The following GCFC2 variants were observed in gnomAD, a reference collection of about 807,000 sequenced individuals.
GCFC2 encodes GC-rich sequence DNA-binding factor 2.
A neutral mutation model predicts 99.4 loss-of-function variants in GCFC2; 102 were observed. That is an observed-to-expected ratio of 1.03 (90% CI 0.87 to 1.21). The LOEUF (loss-of-function observed/expected upper bound fraction) is 1.21. Ranked by LOEUF, GCFC2 falls within the 50% of genes most tolerant of loss-of-function variation. The pLI, the probability that GCFC2 is intolerant of heterozygous loss-of-function variation, is 0.00. For missense variants in GCFC2, 973 were observed against 920.9 expected, an observed-to-expected ratio of 1.06 and a Z score of -0.73; for synonymous variants, 338 against 316.8, an observed-to-expected ratio of 1.07 and a Z score of -0.71.
chr2:75,700,884 G>A (rs1161373082), intron 4 of GCFC2, among the ~76,000 whole-genome samples: 1 of 152,142 alleles, frequency 6.6e-6, no homozygotes, highest in Non-Finnish European at 1.5e-5. Context: ...GTATCCTTAC[G>A]AGAAAAACAC....
chr2:75,680,178 T>G lies in GCFC2; in HGVS notation c.1812+15A>C. The G allele has an allele frequency of 6.3e-7, 1 of 1,586,534 alleles. No individual in the cohort carries two copies. The highest frequency in any genetic ancestry group is 8.6e-7 in the Non-Finnish European group (1 of 1,156,504). ...AGAGATAGATCATGGAGTTCGCAACTCTAGAAATTATTACCTGTCTGCTTT... is the reference window on the plus strand; with the variant it reads ...AGAGATAGATCATGGAGTTCGCAACGCTAGAAATTATTACCTGTCTGCTTT... On this transcript the variant is annotated intron_variant, in intron 12 of 16. Coordinates refer to ENST00000321027, the MANE Select transcript of GCFC2 (RefSeq NM_003203.5).
At chr2:75,683,204 G>C (rs954144579) in intron 11 of GCFC2, among the ~76,000 whole-genome samples, 1 of 151,818 alleles carries the variant, frequency 6.6e-6, no homozygotes, top group African/African-American at 2.4e-5. Flanking sequence ...GAAAGGTTGG[G>C]TTACCCACAA....
In GCFC2 at chr2:75,710,800, C is replaced by A; in HGVS notation, c.56G>T (p.Ser19Ile). ...AGCAGGCGACTCCTCGGCGCCATCG[C>A]TGTCGCTGGAATCAGCCGCGCGCTG... is the stretch of plus-strand genomic sequence containing the variant. ...FRQRAADSSD[S>I]DGAEESPAEP... is the part of the protein sequence containing the mutation. Residue 19 changes from serine (S) to isoleucine (I), a missense_variant, in exon 1 of 17, where the codon AGC becomes ATC. Physicochemically the swap from Ser to Ile is moderately radical, Grantham distance 142 (BLOSUM62 -2). Coordinates refer to ENST00000321027, the MANE Select transcript of GCFC2 (RefSeq NM_003203.5). The A allele has an allele frequency of 6.3e-7, 1 of 1,579,074 alleles. No individual in the cohort carries two copies.
chr2:75,670,389 T>C (rs1679044124), intron 14 of GCFC2, 105 bp from the exon 15 acceptor site: 2 of 716,172 alleles, frequency 2.8e-6, no homozygotes, highest in Admixed American at 4.4e-5. Flanking sequence ...TCACTACAAT[T>C]AGCCCTGTTG....
chr2:75,685,146 G>A (rs1461931338), intron 11 of GCFC2, among the ~76,000 whole-genome samples: 2 of 152,134 alleles, frequency 1.3e-5, no homozygotes, highest in Non-Finnish European at 1.5e-5. Flanking sequence ...ACTATGGCAC[G>A]TGTACACCTA....
Position 75,694,386 on chromosome 2 carries a change from T to A in GCFC2, c.875A>T (p.Glu292Val). The A allele has an allele frequency of 1.3e-6, 2 of 1,527,750 alleles. No individual in the cohort carries two copies. Among genetic ancestry groups the A allele is most frequent in the African/African-American group, 1.4e-5 (1 of 72,860 alleles). 94.6% of individuals were successfully genotyped at this position (1,527,750 alleles called of 1,614,324 possible). A position where few individuals can be genotyped will look rare whatever the true frequency, so the allele number is the denominator to read the frequency against. The part of the protein sequence containing the change: ...LQETHRSHLR[E>V]YEKYVQDVKS... ...GACATCTTGTACGTATTTTTCATAC[T>A]CCCTCAGGTGTGAGCGGTGAGTTTC... is the stretch of plus-strand genomic sequence containing the variant. The change falls in exon 6 of 17, where the codon GAG becomes GTG. Residue 292 changes from glutamate (E) to valine (V), a missense_variant. By Grantham distance (121) the Glu-to-Val change is moderately radical. Coordinates refer to ENST00000321027, the MANE Select transcript of GCFC2 (RefSeq NM_003203.5).
intron 10 of GCFC2, among the ~76,000 whole-genome samples, chr2:75,688,543 C>G (rs142933298): frequency 7.2e-4 from 110 of 152,118 alleles, no homozygotes; most frequent in African/African-American, 2.5e-3. Flanking sequence ...TGTGCAATTT[C>G]TAGCTCCTGA....
At position 75,689,239 on chromosome 2, in the gene GCFC2, A is replaced by G. The variant is rs1202231743; in HGVS notation, c.1340-14T>C. 1.4e-6 allele frequency: 2 copies of G among 1,434,754 alleles called. No homozygotes were observed. The highest frequency in any genetic ancestry group is 1.8e-5 in the Admixed American group (1 of 57,104). 88.9% of individuals were successfully genotyped at this position (1,434,754 alleles called of 1,614,324 possible). On this transcript the variant is annotated splice_polypyrimidine_tract_variant and intron_variant, in intron 9 of 16. Coordinates refer to ENST00000321027, the MANE Select transcript of GCFC2 (RefSeq NM_003203.5). ...GTAAAATGTCACCTGTAAACAAAATAAGTCTCTTTATGCATTTTAAGTTGT... is the reference window on the plus strand; with the variant it reads ...GTAAAATGTCACCTGTAAACAAAATGAGTCTCTTTATGCATTTTAAGTTGT...
Position 75,665,861 on chromosome 2 carries a change from A to T in GCFC2, c.2228+68T>A, listed in dbSNP as rs1678815722. 8 of 985,864 alleles carry T rather than the reference A, an allele frequency of 8.1e-6. No individual in the cohort carries two copies. In the South Asian group the frequency reaches 1.3e-4, roughly 16 times the overall value. 61.1% of individuals were successfully genotyped at this position (985,864 alleles called of 1,614,324 possible). On this transcript the variant is annotated intron_variant, in intron 16 of 16. Transcript: ENST00000321027. ...GTACAGTAAAAATACAAATCTTTCT[A>T]AAAGTTGTTGAGAGCATACAGAATC...
chr2:75,710,752 A>G lies in GCFC2; in HGVS notation c.104T>C (p.Leu35Pro), dbSNP rs756730282. ...TTCCTCCGCAGAACCCGGGACCGGA[A>G]GTTCCCTCGGCGCCCCAGGCTCAGC... ...SPAEPGAPRELPVPGSAEEEP... is the reference protein window; with the variant it reads ...SPAEPGAPREPPVPGSAEEEP... The change falls in exon 1 of 17, where the codon CTT (leucine) becomes CCT (proline). Residue 35 changes from leucine (L) to proline (P), a missense_variant. Coordinates refer to ENST00000321027, the MANE Select transcript of GCFC2 (RefSeq NM_003203.5). The G allele has an allele frequency of 6.4e-7, 1 of 1,566,540 alleles. No individual in the cohort carries two copies. Among genetic ancestry groups the G allele is most frequent in the East Asian group, 2.4e-5 (1 of 41,560 alleles).
At chr2:75,677,484 G>A (rs11884647) in intron 12 of GCFC2, among the ~76,000 whole-genome samples, 31,721 of 152,146 alleles carry the variant, frequency 0.21, 4,917 homozygotes, top group African/African-American at 0.45. Flanking sequence ...TGTGAAGACC[G>A]GGGAGTGCTA....
chr2:75,687,033 TAAGC>T (rs2104320946), intron 11 of GCFC2, among the ~76,000 whole-genome samples: 1 of 152,182 alleles, frequency 6.6e-6, no homozygotes, highest in Non-Finnish European at 1.5e-5. Flanking sequence ...CTCCCAGGTT[TAAGC>T]AATTCTCCTG....
intron 4 of GCFC2, among the ~76,000 whole-genome samples, chr2:75,699,133 A>G (rs959485656): frequency 6.6e-6 from 1 of 152,120 alleles, no homozygotes; most frequent in Non-Finnish European, 1.5e-5. Flanking sequence ...TGGAAATGAG[A>G]GTGACAGTGT....
In GCFC2 at chr2:75,704,840, TAA is replaced by T. The variant is rs1205927706; in HGVS notation, c.394+1681_394+1682del. On this transcript the variant is annotated intron_variant, in intron 2 of 16. Transcript: ENST00000321027. The stretch of plus-strand genomic sequence containing the variant: ...ACAGGTGCATGCCACCATGCCTGGC[TAA>T]TTTTTACATTTTTAGTAAAGCCAGG... Among the ~76,000 whole-genome samples the T allele has an allele frequency of 4.1e-4, 62 of 152,352 alleles. 1 individual carries two copies. The highest frequency in any genetic ancestry group is 1.5e-3 in the African/African-American group (61 of 41,586).
intron 16 of GCFC2, among the ~76,000 whole-genome samples, chr2:75,665,486 G>A (rs72916079): frequency 0.14 from 21,173 of 151,970 alleles, 3,666 homozygotes; most frequent in African/African-American, 0.41. Context: ...TTTGGAGAGG[G>A]AGTTAACAGG....
chr2:75,695,982 C>T (rs768930571), intron 5 of GCFC2, among the ~76,000 whole-genome samples: 38 of 152,134 alleles, frequency 2.5e-4, no homozygotes, highest in Admixed American at 6.5e-4. Flanking sequence ...GTTTCACTAC[C>T]GATAACTGAA....
chr2:75,703,977 T>C (rs1216448941), intron 2 of GCFC2, among the ~76,000 whole-genome samples: 1 of 152,284 alleles, frequency 6.6e-6, no homozygotes, highest in African/African-American at 2.4e-5. Flanking sequence ...TAGTAAGATA[T>C]TAGTGCTACA....
At chr2:75,703,358 G>T (rs1680694895) in intron 2 of GCFC2, among the ~76,000 whole-genome samples, 1 of 152,044 alleles carries the variant, frequency 6.6e-6, no homozygotes. Flanking sequence ...GAAATAAACA[G>T]AAAAATGCCA....
At chr2:75,702,746 C>A (rs1263502344) in intron 2 of GCFC2, among the ~76,000 whole-genome samples, 2 of 152,170 alleles carry the variant, frequency 1.3e-5, no homozygotes, top group Non-Finnish European at 2.9e-5. Context: ...TCTGGAAGCT[C>A]TGAGATTGTC....
Sources: allele counts gnomAD v4.1 joint callset (sites outside exome capture counted in the v4.1 genomes callset), GRCh38; gene constraint gnomAD v4.1.1; transcripts MANE v1.5; gene names NCBI Gene and HGNC (gene_info 2026-07-23, HGNC 2026-07-21).